The following C11orf65 variants were observed in gnomAD, a reference collection of about 807,000 sequenced individuals.
C11orf65 encodes the protein chromosome 11 open reading frame 65.
In C11orf65, 38 loss-of-function variants were observed where a neutral mutation model predicts 35.3. That is an observed-to-expected ratio of 1.08 (90% CI 0.83 to 1.41). C11orf65 has a LOEUF of 1.41. Ranked by LOEUF, C11orf65 falls within the 40% of genes most tolerant of loss-of-function variation. C11orf65 has a pLI of 0.00. For synonymous variants in C11orf65, 105 were observed against 114.4 expected (o/e 0.92, Z 0.53); for missense variants, 370 against 367.1 (o/e 1.01, Z -0.06).
chr11:108,321,264 CT>C (rs1213896669), intron 6 of C11orf65: 11 of 1,610,000 alleles, frequency 6.8e-6, no homozygotes, highest in Non-Finnish European at 9.3e-6. Flanking sequence ...AAAACCTCTT[CT>C]TTATTTTCAG....
At position 108,451,752 on chromosome 11, in the gene C11orf65, A is replaced by C. The variant is rs2093350587; in HGVS notation, c.81+9727T>G. 3.3e-5 allele frequency among the ~76,000 whole-genome samples: 5 copies of C among 152,238 alleles called. No individual in the cohort carries two copies. The South Asian group carries it at 1.0e-3, about 32-fold the overall frequency. ...GAGGCATCACGCTACCTGACTTCAA[A>C]GTCTACTACAAGGCTACAGTAACCA... On this transcript the variant is annotated intron_variant, in intron 2 of 8. Transcript: ENST00000393084.
chr11:108,431,667 G>A (rs2092991868), intron 3 of C11orf65, 79 bp downstream of exon 3: 6 of 733,842 alleles, frequency 8.2e-6, no homozygotes, highest in Admixed American at 2.9e-5. Context: ...AAACAAATAT[G>A]ATGAGCACAC....
Position 108,309,019 on chromosome 11 carries a change from TA to T in C11orf65, c.692del (p.Leu231TyrfsTer58). The T allele has an allele frequency of 6.5e-7, 1 of 1,528,370 alleles. No individual in the cohort carries two copies. Among genetic ancestry groups the T allele is most frequent in the Non-Finnish European group, 8.8e-7 (1 of 1,140,406 alleles). The allele number at this position is 1,528,370 out of a possible 1,614,324, so 94.7% of individuals were successfully genotyped here. ...TGACATTAGCAGGAGTTGGAGAAGA[TA>T]AAAATTCTTCATATTCCATTTTAAT... On this transcript the variant is annotated frameshift_variant, in exon 7 of 7. Coordinates refer to the C11orf65 transcript ENST00000525729. LOFTEE classifies it low-confidence loss of function (END_TRUNC).
At chr11:108,427,578 C>T (rs565496243) in intron 3 of C11orf65, among the ~76,000 whole-genome samples, 4 of 149,634 alleles carry the variant, frequency 2.7e-5, no homozygotes, top group South Asian at 2.1e-4. Flanking sequence ...AAAAATTAGC[C>T]GGGCATGGTG....
chr11:108,388,364 C>T (rs1473772602), intron 7 of C11orf65, among the ~76,000 whole-genome samples: 1 of 152,182 alleles, frequency 6.6e-6, no homozygotes, highest in Non-Finnish European at 1.5e-5. Context: ...GATGAAAGCA[C>T]TACCATGCTG....
intron 6 of C11orf65, among the ~76,000 whole-genome samples, chr11:108,401,973 G>C (rs535210806): frequency 6.6e-6 from 1 of 152,146 alleles, no homozygotes; most frequent in Admixed American, 6.5e-5. Context: ...GCCAACTCTC[G>C]ATCTAACAAC....
In C11orf65 at chr11:108,353,920, G is replaced by A. The variant is rs762379890; in HGVS notation, c.227-18628C>T. 1.1e-5 allele frequency: 17 copies of A among 1,552,518 alleles called. No individual in the cohort carries two copies. In the East Asian group the frequency reaches 2.5e-4, roughly 23 times the overall value. On this transcript the variant is annotated intron_variant, in intron 2 of 3. Transcript: ENST00000524755. ...GTAAAGGAGGGAAATAATTTTTGAT[G>A]TCAAAATTACATGGGCTGGGCATGG...
At chr11:108,395,580 G>A (rs937892994) in intron 6 of C11orf65, among the ~76,000 whole-genome samples, 11 of 150,350 alleles carry the variant, frequency 7.3e-5, no homozygotes, top group Middle Eastern at 3.5e-3. Context: ...GCCTCCCAAA[G>A]TGTTGTGATT....
intron 3 of C11orf65, chr11:108,332,695 TTC>T (rs2086391588): frequency 6.5e-7 from 1 of 1,528,072 alleles, no homozygotes; most frequent in East Asian, 2.3e-5. Flanking sequence ...CTCTTTGTTT[TTC>T]TAACTCTGAG....
At chr11:108,393,117 G>A in intron 7 of C11orf65, 91 bp downstream of exon 7, 1 of 1,284,242 alleles carries the variant, frequency 7.8e-7, no homozygotes, top group Non-Finnish European at 1.1e-6. Flanking sequence ...AAGATTGTTT[G>A]TGGCCCCAAG....
chr11:108,366,276 CTT>C (rs779274619), intron 2 of C11orf65: 24 of 205,768 alleles, frequency 1.2e-4, no homozygotes, highest in Non-Finnish European at 1.9e-4. Context: ...CATGAATTCT[CTT>C]GTCAGATGTA....
intron 2 of C11orf65, among the ~76,000 whole-genome samples, chr11:108,441,187 T>G (rs2093147819): frequency 6.6e-6 from 1 of 152,200 alleles, no homozygotes; most frequent in Non-Finnish European, 1.5e-5. Flanking sequence ...TGCACCTGGC[T>G]CAGAGGGTCC....
intron 2 of C11orf65, among the ~76,000 whole-genome samples, chr11:108,436,897 A>G (rs2093067630): frequency 6.6e-6 from 1 of 152,160 alleles, no homozygotes; most frequent in Non-Finnish European, 1.5e-5. Context: ...CTTTGAAAAT[A>G]AAAAGGAAAT....
chr11:108,415,966 G>GT (rs1187541436), intron 3 of C11orf65, among the ~76,000 whole-genome samples: 2 of 152,064 alleles, frequency 1.3e-5, no homozygotes, highest in Non-Finnish European at 2.9e-5. Context: ...TCACAAAACA[G>GT]TAACTAAAAC....
chr11:108,316,596 A>G (rs182411086), intron 6 of C11orf65, among the ~76,000 whole-genome samples: 1 of 152,008 alleles, frequency 6.6e-6, no homozygotes, highest in Non-Finnish European at 1.5e-5. Context: ...GGGAAACATT[A>G]AACGATATTT....
chr11:108,401,012 G>C (rs1272682935), intron 6 of C11orf65, among the ~76,000 whole-genome samples: 1 of 152,094 alleles, frequency 6.6e-6, no homozygotes, highest in Admixed American at 6.5e-5. Context: ...GGCAGGCTGA[G>C]ATAGGAGAAT....
intron 2 of C11orf65, among the ~76,000 whole-genome samples, chr11:108,439,522 C>A (rs1297110889): frequency 2.0e-5 from 3 of 152,070 alleles, no homozygotes; most frequent in African/African-American, 7.2e-5. Context: ...ATTTTTACAT[C>A]AATTTATTAG....
intron 2 of C11orf65, among the ~76,000 whole-genome samples, chr11:108,454,290 T>C (rs1046642629): frequency 1.3e-5 from 2 of 151,370 alleles, no homozygotes; most frequent in African/African-American, 4.8e-5. Flanking sequence ...TGATTTTATT[T>C]ATTTGAGTCT....
chr11:108,406,985 G>A, intron 4 of C11orf65, 22 bp from the exon 5 acceptor site: 12 of 1,584,388 alleles, frequency 7.6e-6, no homozygotes, highest in Non-Finnish European at 9.5e-6. Context: ...AAAGTTCAAA[G>A]AGCCATTGTA....
Sources: allele counts gnomAD v4.1 joint callset (sites outside exome capture counted in the v4.1 genomes callset), GRCh38; gene constraint gnomAD v4.1.1; transcripts MANE v1.5; gene names NCBI Gene and HGNC (gene_info 2026-07-23, HGNC 2026-07-21).